Variants in GALNT16 observed in about 807,000 individuals in gnomAD.
GALNT16 encodes UDP-GalNAc:polypeptide N-acetylgalactosaminyltransferase-like protein 1.
GALNT16 carries 40 observed loss-of-function variants against 76.1 expected under a neutral mutation model. The ratio of observed to expected loss-of-function variants is 0.53; its 90% CI spans 0.41 to 0.68. The LOEUF (loss-of-function observed/expected upper bound fraction) is 0.68, where lower values mean the gene tolerates loss of function less well. Ranked by LOEUF, GALNT16 falls within the 30% of genes least tolerant of loss-of-function variation. GALNT16 has a pLI of 0.00. For synonymous variants in GALNT16, 276 were observed against 285.2 expected (o/e 0.97, Z 0.32); for missense variants, 621 against 731.9 (o/e 0.85, Z 1.75).
downstream of GALNT16, among the ~76,000 whole-genome samples, chr14:69,361,544 C>G (rs1319986740): frequency 6.6e-6 from 1 of 152,178 alleles, no homozygotes; most frequent in Non-Finnish European, 1.5e-5. Flanking sequence ...CCATGTTGCA[C>G]TTGAGGACAC....
the GALNT16 span, among the ~76,000 whole-genome samples, chr14:69,382,951 A>G: frequency 2.0e-5 from 3 of 152,192 alleles, no homozygotes; most frequent in Non-Finnish European, 4.4e-5. Flanking sequence ...GTTATGGTCA[A>G]TGAATGTAGG....
chr14:69,293,477 A>G (rs1406174247), intron 1 of GALNT16, among the ~76,000 whole-genome samples: 1 of 152,226 alleles, frequency 6.6e-6, no homozygotes. Context: ...TTCCCTGACT[A>G]GCATTTATTG....
intron 2 of GALNT16, 58 bp from the exon 3 acceptor site, chr14:69,324,634 T>C (rs773730017): frequency 8.5e-6 from 8 of 941,384 alleles, no homozygotes; most frequent in African/African-American, 1.6e-5. Context: ...AAGAAAAACA[T>C]TGACCTGCCC....
rs531155845 is a variant in GALNT16, at chr14:69,325,397, C to T, written c.495C>T (p.Ser165=). 2.6e-4 allele frequency: 410 copies of T among 1,583,194 alleles called. 5 individuals are homozygous for T. The South Asian group carries it at 4.3e-3, about 17-fold the overall frequency. The stretch of plus-strand genomic sequence containing the variant: ...AGATCATTTTAGTGGATGACTTCAG[C>T]TCAGATCGTGAGTAGTCACCTTCCT... ...IQEIILVDDF[S]SDPEDCLLLT... Residue 165 remains serine (S), a synonymous_variant, in exon 4 of 15, where the codon AGC becomes AGT. Coordinates refer to ENST00000448469, the MANE Select transcript of GALNT16 (RefSeq NM_001168368.2).
the GALNT16 span, among the ~76,000 whole-genome samples, chr14:69,363,322 G>A: frequency 2.0e-5 from 3 of 152,196 alleles, no homozygotes; most frequent in Non-Finnish European, 2.9e-5. Context: ...AGAGAAAGCT[G>A]CTGTCGGAAG....
chr14:69,307,421 A>C (rs1395830570), intron 1 of GALNT16, among the ~76,000 whole-genome samples: 1 of 152,164 alleles, frequency 6.6e-6, no homozygotes, highest in Non-Finnish European at 1.5e-5. Context: ...TTGAACAATG[A>C]TAGGATGAGT....
chr14:69,299,569 T>C (rs1055393264), intron 1 of GALNT16, among the ~76,000 whole-genome samples: 1 of 152,180 alleles, frequency 6.6e-6, no homozygotes, highest in African/African-American at 2.4e-5. Context: ...TGTGGAGGCA[T>C]TACCTTGAGT....
intron 1 of GALNT16, among the ~76,000 whole-genome samples, chr14:69,292,777 G>A (rs1270453168): frequency 2.0e-5 from 3 of 152,208 alleles, no homozygotes; most frequent in Admixed American, 6.5e-5. Context: ...TTGATTTGCT[G>A]TACACAGTGG....
chr14:69,336,130 GA>G (rs896832403), intron 9 of GALNT16, among the ~76,000 whole-genome samples: 21 of 151,898 alleles, frequency 1.4e-4, no homozygotes, highest in Admixed American at 7.2e-4. Context: ...TTTTTTTTCA[GA>G]CAGAGTCTTG....
At chr14:69,380,910 A>C in the GALNT16 span, among the ~76,000 whole-genome samples, 1 of 152,260 alleles carries the variant, frequency 6.6e-6, no homozygotes, top group African/African-American at 2.4e-5. Context: ...ACTTCTTGAC[A>C]GAGTATGACC....
chr14:69,302,425 T>A (rs926095138), intron 1 of GALNT16, among the ~76,000 whole-genome samples: 1 of 132,350 alleles, frequency 7.6e-6, no homozygotes. Flanking sequence ...CCTAGAATCA[T>A]ACTGATTTTA....
chr14:69,351,837 A>T, intron 14 of GALNT16, 194 bp from the exon 15 acceptor site: 1 of 529,370 alleles, frequency 1.9e-6, no homozygotes, highest in South Asian at 2.5e-5. Context: ...GCTTGAACTC[A>T]GGAGTTCGAG....
intron 14 of GALNT16, chr14:69,348,609 C>T (rs556417972): frequency 1.3e-5 from 2 of 153,214 alleles, no homozygotes; most frequent in Non-Finnish European, 2.9e-5. Context: ...CAGTGATGTC[C>T]AAGCTGGCAT....
At chr14:69,287,480 G>A (rs540890173) in intron 1 of GALNT16, among the ~76,000 whole-genome samples, 72 of 152,294 alleles carry the variant, frequency 4.7e-4, no homozygotes, top group African/African-American at 1.6e-3. Flanking sequence ...AGCACACAGC[G>A]TTTCCCTTTT....
chr14:69,274,860 C>CTCATTTTACACA (rs561712969), intron 1 of GALNT16, among the ~76,000 whole-genome samples: 5 of 152,222 alleles, frequency 3.3e-5, no homozygotes, highest in African/African-American at 1.2e-4. Flanking sequence ...TGTTACTGTC[C>CTCATTTTACACA]TCATTTTACA....
At chr14:69,355,945 T>C (rs758270811), downstream of GALNT16, 1 of 152,222 alleles carries the variant, frequency 6.6e-6, no homozygotes, top group Non-Finnish European at 1.5e-5. Flanking sequence ...CTCCCAGCAC[T>C]GCATGGGGTG....
intron 1 of GALNT16, among the ~76,000 whole-genome samples, chr14:69,291,595 A>G (rs920379494): frequency 6.6e-6 from 1 of 152,206 alleles, no homozygotes; most frequent in African/African-American, 2.4e-5. Flanking sequence ...CCAGGCCTCC[A>G]TGCTGTGCTC....
the GALNT16 span, among the ~76,000 whole-genome samples, chr14:69,378,235 A>T: frequency 6.6e-6 from 1 of 152,216 alleles, no homozygotes; most frequent in South Asian, 2.1e-4. Context: ...GGACCTCTTA[A>T]ATCAAGCACT....
chr14:69,352,034 T>G lies in GALNT16; in HGVS notation c.1543T>G (p.Trp515Gly). Reference protein sequence around the residue: ...MCNPREGKQKWRRKGSFIQHS... With the variant: ...MCNPREGKQKGRRKGSFIQHS... ...AACCCATCTCTGTTCCTCCTAGAAA[T>G]GGAGGAGAAAAGGATCTTTCATCCA... The change falls in exon 15 of 15, where the codon TGG becomes GGG. Residue 515 changes from tryptophan (W) to glycine (G), a missense_variant. Physicochemically the swap from Trp to Gly is radical, Grantham distance 184. Transcript: ENST00000448469. 1 of 1,610,432 alleles carries G rather than the reference T, an allele frequency of 6.2e-7. No homozygotes were observed. Among genetic ancestry groups the G allele is most frequent in the Non-Finnish European group, 8.5e-7 (1 of 1,177,932 alleles).
Sources: allele counts gnomAD v4.1 joint callset (sites outside exome capture counted in the v4.1 genomes callset), GRCh38; gene constraint gnomAD v4.1.1; transcripts MANE v1.5; gene names NCBI Gene and HGNC (gene_info 2026-07-23, HGNC 2026-07-21).